The following DAG1 variants were observed in gnomAD, a reference collection of about 807,000 sequenced individuals.
DAG1 encodes dystroglycan 1.
DAG1 carries 8 observed loss-of-function variants against 46.1 expected under a neutral mutation model. The ratio of observed to expected loss-of-function variants is 0.17; its 90% CI spans 0.10 to 0.31. The LOEUF (loss-of-function observed/expected upper bound fraction) is 0.31, where lower values mean the gene tolerates loss of function less well. Among genes scored for constraint, DAG1 ranks in the 10% least tolerant of loss-of-function variants. The pLI, the probability that DAG1 is intolerant of heterozygous loss-of-function variation, is 1.00. For synonymous variants in DAG1, 495 were observed against 481.8 expected (o/e 1.03, Z -0.36); for missense variants, 1,003 against 1,189.9 (o/e 0.84, Z 2.31).
At chr3:49,494,089 G>T (rs1020861682) in intron 1 of DAG1, among the ~76,000 whole-genome samples, 3 of 152,216 alleles carry the variant, frequency 2.0e-5, no homozygotes, top group African/African-American at 7.2e-5. Context: ...AGCAAAGGGA[G>T]TGGGTGGTAG....
chr3:49,503,860 T>G (rs1380977756), intron 1 of DAG1, among the ~76,000 whole-genome samples: 1 of 150,138 alleles, frequency 6.7e-6, no homozygotes, highest in South Asian at 2.1e-4. Context: ...AATTTAAAGG[T>G]TTTTTTTTGA....
At chr3:49,520,168 C>T (rs2050991670) in intron 2 of DAG1, among the ~76,000 whole-genome samples, 1 of 152,238 alleles carries the variant, frequency 6.6e-6, no homozygotes, top group African/African-American at 2.4e-5. Context: ...AAGCTAGAGG[C>T]TCTTCCTGTT....
chr3:49,495,464 G>A (rs570451406), intron 1 of DAG1, among the ~76,000 whole-genome samples: 1 of 152,326 alleles, frequency 6.6e-6, no homozygotes, highest in South Asian at 2.1e-4. Context: ...TTGTTGGGCT[G>A]TCTTCAGAGA....
chr3:49,510,477 C>G lies in DAG1; in HGVS notation c.-58C>G, dbSNP rs1477337927. On this transcript the variant is annotated 5_prime_UTR_variant, in exon 2 of 3. Transcript: ENST00000308775. ...GAGGGTGAGAACCCAGCTCTGGGAC[C>G]AAGTCACTTGCTTCCTTACTTAGCA... The G allele has an allele frequency of 7.0e-6, 11 of 1,572,560 alleles. No individual in the cohort carries two copies. The highest frequency in any genetic ancestry group is 9.6e-6 in the Non-Finnish European group (11 of 1,149,652).
In DAG1 at chr3:49,535,543, G is replaced by T. The variant is rs999501631; in HGVS notation, c.*2344G>T. ...GATGTGTTTTTATTTCCTTCTATAT[G>T]ATTTTAAGATGTGTTTTCTGCATTC... On this transcript the variant is annotated 3_prime_UTR_variant, in exon 3 of 3. Coordinates refer to ENST00000308775, the MANE Select transcript of DAG1 (RefSeq NM_004393.6). 2.0e-5 allele frequency: 3 copies of T among 152,672 alleles called. No individual in the cohort carries two copies. Among genetic ancestry groups the T allele is most frequent in the African/African-American group, 7.2e-5 (3 of 41,466 alleles). 9.5% of individuals were successfully genotyped at this position (152,672 alleles called of 1,614,324 possible).
chr3:49,485,718 G>A (rs2050008431), intron 1 of DAG1, among the ~76,000 whole-genome samples: 1 of 138,884 alleles, frequency 7.2e-6, no homozygotes, highest in Non-Finnish European at 1.5e-5. Context: ...CTAGAGTGCA[G>A]TGGCATGATC....
chr3:49,487,923 C>T (rs1353583655), intron 1 of DAG1, among the ~76,000 whole-genome samples: 2 of 151,820 alleles, frequency 1.3e-5, no homozygotes, highest in African/African-American at 2.4e-5. Flanking sequence ...AGGATGGTCT[C>T]GATCTCCTGA....
At chr3:49,489,173 G>A (rs1231696277) in intron 1 of DAG1, among the ~76,000 whole-genome samples, 2 of 151,282 alleles carry the variant, frequency 1.3e-5, no homozygotes, top group Non-Finnish European at 2.9e-5. Flanking sequence ...TTGGCTCACC[G>A]CAACCTCTGC....
intron 1 of DAG1, chr3:49,470,935 C>T (rs930068239): frequency 6.6e-6 from 1 of 152,260 alleles, no homozygotes; most frequent in South Asian, 2.1e-4. Context: ...AGCTTGTTTA[C>T]TTACTACCTT....
intron 2 of DAG1, among the ~76,000 whole-genome samples, chr3:49,512,675 A>T (rs936716832): frequency 5.1e-4 from 75 of 148,240 alleles, no homozygotes; most frequent in Middle Eastern, 6.8e-3. Flanking sequence ...TTAAAAAAAA[A>T]TTTTTTTTTA....
intron 2 of DAG1, among the ~76,000 whole-genome samples, chr3:49,525,302 C>G (rs182466057): frequency 3.1e-4 from 47 of 152,308 alleles, no homozygotes; most frequent in Admixed American, 2.5e-3. Context: ...GAGGGGAAAG[C>G]AGGTGACTAG....
chr3:49,518,126 G>GC (rs1216075161), intron 2 of DAG1, among the ~76,000 whole-genome samples: 2 of 152,148 alleles, frequency 1.3e-5, no homozygotes, highest in African/African-American at 4.8e-5. Flanking sequence ...TTCCTCCTAA[G>GC]CCCCATGTGG....
intron 2 of DAG1, among the ~76,000 whole-genome samples, chr3:49,514,711 C>G (rs1197714898): frequency 6.6e-6 from 1 of 150,610 alleles, no homozygotes; most frequent in African/African-American, 2.4e-5. Context: ...TGATCTTGGC[C>G]TACTGCAACC....
intron 1 of DAG1, among the ~76,000 whole-genome samples, chr3:49,505,336 C>T (rs549489198): frequency 6.6e-6 from 1 of 152,060 alleles, no homozygotes; most frequent in African/African-American, 2.4e-5. Context: ...TCCTGGGTTC[C>T]TCCGTCAGCC....
chr3:49,483,136 A>G (rs1432076349), intron 1 of DAG1, among the ~76,000 whole-genome samples: 2 of 151,964 alleles, frequency 1.3e-5, no homozygotes, highest in Non-Finnish European at 2.9e-5. Flanking sequence ...GAATATTTCC[A>G]TAAAACATGC....
intron 1 of DAG1, among the ~76,000 whole-genome samples, chr3:49,496,884 C>T (rs2050327333): frequency 6.6e-6 from 1 of 151,962 alleles, no homozygotes; most frequent in African/African-American, 2.4e-5. Flanking sequence ...CTCGGCCTCC[C>T]AAAGTGTTGG....
Position 49,532,578 on chromosome 3 carries a change from G to T in DAG1, c.2067G>T (p.Arg689=). Residue 689 remains arginine, a synonymous_variant, in exon 3 of 3, where the codon CGG becomes CGT. Coordinates refer to ENST00000308775, the MANE Select transcript of DAG1 (RefSeq NM_004393.6). The surrounding 1 kb of genome is among the most constrained non-coding windows in gnomAD (Gnocchi z 5.4). The stretch of plus-strand genomic sequence containing the variant: ...TCGCTGAGGATGATGGAAAACCTCG[G>T]CCTGCCTTCTCCAACGCCCTAGAGC... ...RRIAEDDGKP[R]PAFSNALEPD... 1.2e-6 allele frequency: 2 copies of T among 1,612,384 alleles called. No individual in the cohort carries two copies. Among genetic ancestry groups the T allele is most frequent in the Non-Finnish European group, 1.7e-6 (2 of 1,178,626 alleles).
At chr3:49,530,108 G>T (rs2051298277) in intron 2 of DAG1, among the ~76,000 whole-genome samples, 1 of 152,162 alleles carries the variant, frequency 6.6e-6, no homozygotes, top group Admixed American at 6.5e-5. Flanking sequence ...TAGAATAGTT[G>T]ATTCTAGTCT....
chr3:49,489,885 C>T (rs935594015), intron 1 of DAG1, among the ~76,000 whole-genome samples: 1 of 151,174 alleles, frequency 6.6e-6, no homozygotes. Flanking sequence ...CTGGACAAAG[C>T]GCTGGGGTTT....
Sources: allele counts gnomAD v4.1 joint callset (sites outside exome capture counted in the v4.1 genomes callset), GRCh38; gene constraint gnomAD v4.1.1; non-coding constraint Gnocchi (gnomAD v3.1); transcripts MANE v1.5; gene names NCBI Gene and HGNC (gene_info 2026-07-23, HGNC 2026-07-21).